The following NEDD9 variants were observed in gnomAD, a reference collection of about 807,000 sequenced individuals.
The protein encoded by NEDD9 is enhancer of filamentation 1.
A neutral mutation model predicts 76.6 loss-of-function variants in NEDD9; 26 were observed. The ratio of observed to expected loss-of-function variants is 0.34; its 90% CI spans 0.25 to 0.47. The LOEUF (loss-of-function observed/expected upper bound fraction) is 0.47, where lower values mean the gene tolerates loss of function less well. Among genes scored for constraint, NEDD9 ranks in the 20% least tolerant of loss-of-function variants. The pLI is 1.00. For synonymous variants in NEDD9, 392 were observed against 414.2 expected (o/e 0.95, Z 0.65); for missense variants, 937 against 1,058.5 (o/e 0.89, Z 1.59).
intron 1 of NEDD9, among the ~76,000 whole-genome samples, chr6:11,376,213 C>A (rs1582057119): frequency 6.6e-6 from 1 of 152,042 alleles, no homozygotes; most frequent in African/African-American, 2.4e-5. Flanking sequence ...AAAATTGGTA[C>A]TGAGAAGTGG....
chr6:11,209,970 C>CTT (rs752612102), intron 2 of NEDD9, among the ~76,000 whole-genome samples: 1 of 131,070 alleles, frequency 7.6e-6, no homozygotes, highest in African/African-American at 2.8e-5. Flanking sequence ...AATTCACTGT[C>CTT]TTTTTTTTTT....
intron 3 of NEDD9, among the ~76,000 whole-genome samples, chr6:11,293,196 GT>G (rs35317754): frequency 0.023 from 3,423 of 148,470 alleles, 65 homozygotes; most frequent in Non-Finnish European, 0.039. Context: ...CTAAGTCTAT[GT>G]TTTTTTTTTT....
intron 3 of NEDD9, among the ~76,000 whole-genome samples, chr6:11,297,666 T>C (rs1760930014): frequency 6.6e-6 from 1 of 152,204 alleles, no homozygotes; most frequent in Non-Finnish European, 1.5e-5. Context: ...ACTTTTTATG[T>C]GCTATAAAAC....
chr6:11,273,569 T>C (rs1031914631), intron 3 of NEDD9, among the ~76,000 whole-genome samples: 1 of 152,370 alleles, frequency 6.6e-6, no homozygotes, highest in Non-Finnish European at 1.5e-5. Context: ...TCCCCGCCTG[T>C]GGTCTAGCCT....
At chr6:11,188,402 T>G (rs559428326) in intron 5 of NEDD9, 95 bp from the exon 6 acceptor site, 1 of 1,091,108 alleles carries the variant, frequency 9.2e-7, no homozygotes, top group Non-Finnish European at 1.4e-6. Context: ...CTCTTTATTT[T>G]CCACTGCCTT....
intron 3 of NEDD9, among the ~76,000 whole-genome samples, chr6:11,245,907 C>A (rs1759797166): frequency 6.6e-6 from 1 of 151,516 alleles, no homozygotes; most frequent in East Asian, 1.9e-4. Context: ...GTCTAGTAAA[C>A]AATAATATTC....
chr6:11,322,691 A>G (rs867398308), intron 2 of NEDD9, among the ~76,000 whole-genome samples: 3 of 152,172 alleles, frequency 2.0e-5, no homozygotes, highest in Non-Finnish European at 4.4e-5. Flanking sequence ...AGTGTTACTC[A>G]AGGGGCAGTC....
chr6:11,207,719 G>A (rs1758653033), intron 2 of NEDD9, among the ~76,000 whole-genome samples: 1 of 152,190 alleles, frequency 6.6e-6, no homozygotes, highest in South Asian at 2.1e-4. Flanking sequence ...CACATTCTGG[G>A]ACCATAGGGA....
At position 11,184,809 on chromosome 6, in the gene NEDD9, G is replaced by A. The variant is rs1757934397; in HGVS notation, c.*353C>T. 1 of 179,448 alleles carries A rather than the reference G, an allele frequency of 5.6e-6. No homozygotes were observed. The highest frequency in any genetic ancestry group is 2.4e-5 in the African/African-American group (1 of 41,976). The allele number at this position is 179,448 out of a possible 1,614,324, so 11.1% of individuals were successfully genotyped here. A position where few individuals can be genotyped will look rare whatever the true frequency, so the allele number is the denominator to read the frequency against. On this transcript the variant is annotated 3_prime_UTR_variant, in exon 7 of 7. Transcript: ENST00000379446. ...AACAAAAAAAATGCAGCATTAGAAGGTGCTTACTAAGGTGCTTCGTAATTC... is the reference window on the plus strand; with the variant it reads ...AACAAAAAAAATGCAGCATTAGAAGATGCTTACTAAGGTGCTTCGTAATTC...
At position 11,184,548 on chromosome 6, in the gene NEDD9, A is replaced by G. The variant is rs1214710634; in HGVS notation, c.*614T>C. 1 of 152,720 alleles carries G rather than the reference A, an allele frequency of 6.5e-6. No homozygotes were observed. The highest frequency in any genetic ancestry group is 2.4e-5 in the African/African-American group (1 of 41,424). The allele number at this position is 152,720 out of a possible 1,614,324, so 9.5% of individuals were successfully genotyped here. A position where few individuals can be genotyped will look rare whatever the true frequency, so the allele number is the denominator to read the frequency against. ...GAACTATCAGAGCTTGGATCCACAT[A>G]TATATTCTGAAATTTGCTCCGCAAG... On this transcript the variant is annotated 3_prime_UTR_variant, in exon 7 of 7. Coordinates refer to ENST00000379446, the MANE Select transcript of NEDD9 (RefSeq NM_006403.4).
At position 11,213,184 on chromosome 6, in the gene NEDD9, G is replaced by A. The variant is rs1230782043; in HGVS notation, c.459+97C>T. The A allele has an allele frequency of 8.7e-7, 1 of 1,149,318 alleles. No individual in the cohort carries two copies. The highest frequency in any genetic ancestry group is 1.2e-6 in the Non-Finnish European group (1 of 817,084). 71.2% of individuals were successfully genotyped at this position (1,149,318 alleles called of 1,614,324 possible). A position where few individuals can be genotyped will look rare whatever the true frequency, so the allele number is the denominator to read the frequency against. ...TATTGGTTATATCTACTTCTTGGCA[G>A]CTTCAAGTTATTAATTTGGGAACAT... On this transcript the variant is annotated intron_variant, in intron 2 of 6. Transcript: ENST00000379446. The surrounding 1 kb of genome is among the most constrained non-coding windows in gnomAD (Gnocchi z 5.4).
At chr6:11,236,723 C>G (rs1759611458), upstream of NEDD9, among the ~76,000 whole-genome samples, 1 of 152,164 alleles carries the variant, frequency 6.6e-6, no homozygotes, top group Admixed American at 6.5e-5. The surrounding 1 kb of genome is among the most constrained non-coding windows in gnomAD (Gnocchi z 5.5). Context: ...GTTTCTTTGC[C>G]TAACTCTCTC....
intron 3 of NEDD9, among the ~76,000 whole-genome samples, chr6:11,301,130 T>C (rs1463552375): frequency 6.6e-6 from 1 of 152,196 alleles, no homozygotes. Context: ...CCATTTCATG[T>C]GCAAAGACGC....
At chr6:11,244,455 C>T (rs1759769812) in intron 3 of NEDD9, among the ~76,000 whole-genome samples, 1 of 152,086 alleles carries the variant, frequency 6.6e-6, no homozygotes, top group South Asian at 2.1e-4. Flanking sequence ...TTTCTTTCTC[C>T]CACCTACTTC....
At chr6:11,200,814 G>A (rs1016683671) in intron 2 of NEDD9, 17 of 1,465,654 alleles carry the variant, frequency 1.2e-5, no homozygotes, top group Admixed American at 1.0e-4. Flanking sequence ...GCATTATTAC[G>A]GTTATCACCA....
intron 3 of NEDD9, among the ~76,000 whole-genome samples, chr6:11,278,222 G>A (rs983895412): frequency 2.0e-5 from 3 of 152,118 alleles, no homozygotes; most frequent in Admixed American, 6.5e-5. Context: ...TTCCCAGTTC[G>A]CACCTCTGCC....
rs1348944873 is a variant in NEDD9, at chr6:11,237,725, C to A, written c.13-23998G>T. Among the ~76,000 whole-genome samples the A allele has an allele frequency of 6.6e-6, 1 of 152,106 alleles. No individual in the cohort carries two copies. The highest frequency in any genetic ancestry group is 1.5e-5 in the Non-Finnish European group (1 of 68,026). On this transcript the variant is annotated intron_variant, in intron 3 of 3. Coordinates refer to the NEDD9 transcript ENST00000397378. This position sits in a 1 kb window ranked among gnomAD's most constrained non-coding sequence, Gnocchi z 4.9. ...AGCACATGCCACAGAGATGGCAAAGCCCCCAAAGCCGAAGAAGAAAAAGTA... is the reference window on the plus strand; with the variant it reads ...AGCACATGCCACAGAGATGGCAAAGACCCCAAAGCCGAAGAAGAAAAAGTA...
At chr6:11,248,180 A>T (rs1386400653) in intron 3 of NEDD9, among the ~76,000 whole-genome samples, 1 of 152,020 alleles carries the variant, frequency 6.6e-6, no homozygotes, top group Non-Finnish European at 1.5e-5. Flanking sequence ...TGACATATAT[A>T]CCACTGCTTA....
intron 2 of NEDD9, among the ~76,000 whole-genome samples, chr6:11,206,318 C>T (rs1038629172): frequency 8.6e-5 from 13 of 151,908 alleles, no homozygotes; most frequent in South Asian, 2.1e-4. Context: ...ACTTGGGAGG[C>T]GGAGACAGGA....
Sources: gnomAD v4.1 joint callset for allele counts (sites outside exome capture counted in the v4.1 genomes callset) on GRCh38, gnomAD v4.1.1 for gene constraint, Gnocchi (gnomAD v3.1) non-coding constraint, MANE v1.5 for transcripts, NCBI Gene and HGNC (gene_info 2026-07-23, HGNC 2026-07-21) for gene names.